SNCAIP: variants seen among roughly 807,000 people sequenced by gnomAD.
SNCAIP encodes the protein synphilin-1.
In SNCAIP, 43 loss-of-function variants were observed where a neutral mutation model predicts 86.7. That is an observed-to-expected ratio of 0.50 (90% CI 0.39 to 0.64). The LOEUF (loss-of-function observed/expected upper bound fraction) is 0.64, where lower values mean the gene tolerates loss of function less well. Among genes scored for constraint, SNCAIP ranks in the 30% least tolerant of loss-of-function variants. SNCAIP has a pLI of 0.00. For synonymous variants in SNCAIP, 417 were observed against 427.2 expected (o/e 0.98, Z 0.29); for missense variants, 981 against 1,103.1 (o/e 0.89, Z 1.57).
At chr5:122,361,033 T>G (rs1263735805) in intron 1 of SNCAIP, among the ~76,000 whole-genome samples, 1 of 152,114 alleles carries the variant, frequency 6.6e-6, no homozygotes, top group Non-Finnish European at 1.5e-5. Context: ...ATAAGGCTAT[T>G]AATACCTATA....
intron 2 of SNCAIP, among the ~76,000 whole-genome samples, chr5:122,398,187 G>T (rs1207045125): frequency 6.6e-6 from 1 of 152,176 alleles, no homozygotes; most frequent in East Asian, 1.9e-4. Context: ...AGGTGGTAGT[G>T]GTGCTTGCTT....
intron 3 of SNCAIP, among the ~76,000 whole-genome samples, chr5:122,408,625 GTT>G (rs1399285195): frequency 6.6e-6 from 1 of 152,172 alleles, no homozygotes; most frequent in Non-Finnish European, 1.5e-5. Flanking sequence ...CAGTAGGACT[GTT>G]TCAAATTTTT....
chr5:122,455,663 G>T (rs1581426420), intron 10 of SNCAIP, among the ~76,000 whole-genome samples: 1 of 150,704 alleles, frequency 6.6e-6, no homozygotes, highest in Non-Finnish European at 1.5e-5. Flanking sequence ...TTAGTTAAAA[G>T]AAATTGTTAT....
chr5:122,417,572 T>C (rs1309421086), intron 3 of SNCAIP, among the ~76,000 whole-genome samples: 3 of 152,230 alleles, frequency 2.0e-5, no homozygotes, highest in Non-Finnish European at 2.9e-5. Context: ...GCCCGAAATG[T>C]GGCAAGGTGA....
At chr5:122,340,043 T>C (rs889966946) in intron 1 of SNCAIP, among the ~76,000 whole-genome samples, 1 of 152,202 alleles carries the variant, frequency 6.6e-6, no homozygotes, top group South Asian at 2.1e-4. Flanking sequence ...CCTTTTTCTT[T>C]TTAAGACCAC....
In SNCAIP at chr5:122,450,617, A is replaced by C. The variant is rs1313101253; in HGVS notation, c.1770A>C (p.Gly590=). 1 of 1,614,016 alleles carries C rather than the reference A, an allele frequency of 6.2e-7. No individual in the cohort carries two copies. The highest frequency in any genetic ancestry group is 1.1e-5 in the South Asian group (1 of 91,080). ...ATTCTGTAGCCAAAAGCAAGCCAGG[A>C]GTCCAAGAGGGGATTCAGGTTCTTG... ...DDDSVAKSKP[G]VQEGIQVLGS... Residue 590 remains glycine (G), a synonymous_variant, in exon 10 of 11, where the codon GGA becomes GGC. Transcript: ENST00000261368.
chr5:122,340,796 A>T (rs1007345068), intron 1 of SNCAIP, among the ~76,000 whole-genome samples: 11 of 152,194 alleles, frequency 7.2e-5, no homozygotes, highest in African/African-American at 2.7e-4. Context: ...AATTCCTTGG[A>T]AATTTTAGAG....
At chr5:122,354,491 G>A (rs928386441) in intron 1 of SNCAIP, among the ~76,000 whole-genome samples, 1 of 152,094 alleles carries the variant, frequency 6.6e-6, no homozygotes, top group Non-Finnish European at 1.5e-5. Flanking sequence ...ATTTGATCAG[G>A]CTCTCATCTG....
chr5:122,450,198 A>G (rs952463010), intron 9 of SNCAIP, among the ~76,000 whole-genome samples: 2 of 152,244 alleles, frequency 1.3e-5, no homozygotes, highest in African/African-American at 2.4e-5. Flanking sequence ...GAATCTTTCA[A>G]TTCTTCATCT....
In SNCAIP at chr5:122,451,020, AC is replaced by A; in HGVS notation, c.2175del (p.Leu726TrpfsTer34). ...ESLHLMIKKH[T>X]LASGGRRFPF... Reference sequence around the variant, plus strand: ...CCTGCACCTGATGATTAAGAAACACACCTTGGCATCAGGGGGACGCAGGTTT... The same window carrying A: ...CCTGCACCTGATGATTAAGAAACACACTTGGCATCAGGGGGACGCAGGTTT... On this transcript the variant is annotated frameshift_variant, in exon 10 of 11. Coordinates refer to ENST00000261368, the MANE Select transcript of SNCAIP (RefSeq NM_005460.4). LOFTEE classifies it high-confidence loss of function. 1.9e-6 allele frequency: 3 copies of A among 1,614,130 alleles called. No individual in the cohort carries two copies. Among genetic ancestry groups the A allele is most frequent in the Non-Finnish European group, 2.5e-6 (3 of 1,180,006 alleles).
intron 1 of SNCAIP, among the ~76,000 whole-genome samples, chr5:122,347,592 T>C (rs1758871404): frequency 1.3e-5 from 2 of 152,024 alleles, no homozygotes; most frequent in Non-Finnish European, 2.9e-5. Context: ...CACCTATGAG[T>C]AGATACCCTC....
chr5:122,375,000 T>C (rs1405495818), intron 1 of SNCAIP, among the ~76,000 whole-genome samples: 2 of 152,108 alleles, frequency 1.3e-5, no homozygotes, highest in African/African-American at 4.8e-5. Flanking sequence ...TCATCATCTC[T>C]ACCCTAAGTG....
intron 1 of SNCAIP, among the ~76,000 whole-genome samples, chr5:122,325,944 C>G (rs1753927131): frequency 6.6e-6 from 1 of 152,134 alleles, no homozygotes; most frequent in African/African-American, 2.4e-5. Flanking sequence ...ACGTCGTACA[C>G]AGTTACAATA....
intron 2 of SNCAIP, among the ~76,000 whole-genome samples, chr5:122,402,803 C>T (rs912726072): frequency 2.0e-5 from 3 of 152,044 alleles, no homozygotes; most frequent in Non-Finnish European, 4.4e-5. Context: ...TCTCAATCCC[C>T]CCAAATTTTG....
chr5:122,403,836 G>C lies in SNCAIP; in HGVS notation c.101G>C (p.Arg34Thr). 1 of 1,613,906 alleles carries C rather than the reference G, an allele frequency of 6.2e-7. No homozygotes were observed. The highest frequency in any genetic ancestry group is 8.5e-7 in the Non-Finnish European group (1 of 1,179,846). Residue 34 changes from arginine to threonine, a missense_variant, in exon 3 of 11, where the codon AGA becomes ACA. Arg to Thr is a moderately conservative substitution (Grantham distance 71). Transcript: ENST00000261368. Reference sequence around the variant, plus strand: ...AAGACGATCCCAGAACTGTGCCGAAGATGTGATACGCAAAACGAAGACAGA... The same window carrying C: ...AAGACGATCCCAGAACTGTGCCGAACATGTGATACGCAAAACGAAGACAGA... ...SLKTIPELCR[R>T]CDTQNEDRSV...
intron 3 of SNCAIP, among the ~76,000 whole-genome samples, chr5:122,417,490 C>A (rs1362957321): frequency 6.6e-6 from 1 of 152,170 alleles, no homozygotes; most frequent in Non-Finnish European, 1.5e-5. Flanking sequence ...TTTTAATATG[C>A]AGCACATCTT....
intron 1 of SNCAIP, among the ~76,000 whole-genome samples, chr5:122,376,652 A>G (rs1765391277): frequency 6.6e-6 from 1 of 152,176 alleles, no homozygotes; most frequent in African/African-American, 2.4e-5. Flanking sequence ...TGAATGAACA[A>G]TATTCCAGTT....
At chr5:122,319,916 A>C (rs1411895823) in intron 1 of SNCAIP, among the ~76,000 whole-genome samples, 3 of 152,256 alleles carry the variant, frequency 2.0e-5, no homozygotes, top group African/African-American at 7.2e-5. Context: ...TGAGAATAGA[A>C]TTAAACACAG....
intron 1 of SNCAIP, among the ~76,000 whole-genome samples, chr5:122,366,786 G>T (rs1470260174): frequency 6.6e-6 from 1 of 152,160 alleles, no homozygotes; most frequent in Non-Finnish European, 1.5e-5. Context: ...CTTCCCTGTA[G>T]GCAGTGGGAA....
Sources: gnomAD v4.1 joint callset for allele counts (sites outside exome capture counted in the v4.1 genomes callset) on GRCh38, gnomAD v4.1.1 for gene constraint, MANE v1.5 for transcripts, NCBI Gene and HGNC (gene_info 2026-07-23, HGNC 2026-07-21) for gene names.